IGSF10: variants seen among roughly 807,000 people sequenced by gnomAD.
IGSF10 encodes the protein immunoglobulin superfamily member 10.
In IGSF10, 126 loss-of-function variants were observed where a neutral mutation model predicts 128.2. The observed-to-expected ratio is 0.98, with a 90% CI of 0.85 to 1.14. IGSF10 has a LOEUF of 1.14. Among genes scored for constraint, IGSF10 ranks in the 50% most tolerant of loss-of-function variants. IGSF10 has a pLI of 0.00. For synonymous variants in IGSF10, 1,185 were observed against 1,146.2 expected (o/e 1.03, Z -0.68); for missense variants, 3,295 against 3,149.8 (o/e 1.05, Z -1.10).
the IGSF10 span, among the ~76,000 whole-genome samples, chr3:151,600,990 C>T: frequency 2.7e-5 from 4 of 147,660 alleles, no homozygotes; most frequent in Admixed American, 1.4e-4. Context: ...AGTATTATGT[C>T]AAGGAAAGAA....
intron 7 of IGSF10, among the ~76,000 whole-genome samples, chr3:151,439,722 G>C (rs1012274320): frequency 2.6e-4 from 39 of 152,250 alleles, no homozygotes; most frequent in African/African-American, 9.4e-4. Flanking sequence ...TTTTGCACTA[G>C]ATTGAGCTGT....
At chr3:151,547,441 C>T in the IGSF10 span, among the ~76,000 whole-genome samples, 4 of 151,182 alleles carry the variant, frequency 2.6e-5, no homozygotes, top group African/African-American at 9.8e-5. Context: ...CACACACACA[C>T]ACACACACAC....
the IGSF10 span, among the ~76,000 whole-genome samples, chr3:151,613,820 C>G: frequency 6.6e-6 from 1 of 152,070 alleles, no homozygotes; most frequent in Admixed American, 6.5e-5. Context: ...CCAAAATTGA[C>G]AAATGGGATC....
the IGSF10 span, among the ~76,000 whole-genome samples, chr3:151,602,592 T>C: frequency 1.3e-5 from 2 of 152,158 alleles, no homozygotes; most frequent in African/African-American, 4.8e-5. Context: ...TTTGATCTCC[T>C]TTCTCTCCTT....
the IGSF10 span, among the ~76,000 whole-genome samples, chr3:151,478,348 A>G: frequency 6.6e-6 from 1 of 152,200 alleles, no homozygotes; most frequent in African/African-American, 2.4e-5. Flanking sequence ...TTCTAATACA[A>G]AAGGGAACAG....
the IGSF10 span, among the ~76,000 whole-genome samples, chr3:151,587,881 C>T: frequency 2.0e-5 from 3 of 152,192 alleles, no homozygotes; most frequent in Non-Finnish European, 4.4e-5. Context: ...ACATGACTTG[C>T]TACTCCTTGC....
chr3:151,554,702 C>T, the IGSF10 span, among the ~76,000 whole-genome samples: 4 of 152,118 alleles, frequency 2.6e-5, no homozygotes, highest in African/African-American at 9.7e-5. Context: ...GTACCAAAAA[C>T]TATCATCACT....
At chr3:151,614,231 A>T in the IGSF10 span, among the ~76,000 whole-genome samples, 2 of 152,216 alleles carry the variant, frequency 1.3e-5, no homozygotes, top group African/African-American at 4.8e-5. Context: ...TGGGACTGTA[A>T]CCTAGTTCAA....
chr3:151,579,853 A>C, the IGSF10 span, among the ~76,000 whole-genome samples: 7 of 119,348 alleles, frequency 5.9e-5, no homozygotes, highest in African/African-American at 1.9e-4. Context: ...GAAGGAAGGG[A>C]GGAGGGAGGA....
At chr3:151,551,511 A>G in the IGSF10 span, among the ~76,000 whole-genome samples, 29 of 152,062 alleles carry the variant, frequency 1.9e-4, no homozygotes, top group Non-Finnish European at 3.5e-4. Context: ...GAAAAAATCC[A>G]TCTATAAGTG....
Position 151,437,431 on chromosome 3 carries a change from G to A in IGSF10, c.7130C>T (p.Thr2377Ile), listed in dbSNP as rs766202311. Residue 2377 changes from threonine (T) to isoleucine (I), a missense_variant, in exon 8 of 8, where the codon ACA becomes ATA. Transcript: ENST00000282466. ...PEIIWILPNGTRFSNGPQSYQ... is the reference protein window; with the variant it reads ...PEIIWILPNGIRFSNGPQSYQ... ...ACTTTGTGGTCCATTGGAAAATCGT[G>A]TGCCATTTGGTAAAATCCAGATTAT... 1.2e-6 allele frequency: 2 copies of A among 1,614,086 alleles called. No homozygotes were observed. Among genetic ancestry groups the A allele is most frequent in the African/African-American group, 1.3e-5 (1 of 74,928 alleles).
At chr3:151,602,762 G>A in the IGSF10 span, among the ~76,000 whole-genome samples, 1 of 152,072 alleles carries the variant, frequency 6.6e-6, no homozygotes, top group Non-Finnish European at 1.5e-5. Flanking sequence ...TCTTTTAAGT[G>A]GCCAGGAACC....
At chr3:151,548,215 C>A in the IGSF10 span, among the ~76,000 whole-genome samples, 3 of 152,296 alleles carry the variant, frequency 2.0e-5, no homozygotes, top group Admixed American at 1.3e-4. Flanking sequence ...AGAAGTCTGA[C>A]TACCCTAAAC....
the IGSF10 span, among the ~76,000 whole-genome samples, chr3:151,608,029 A>T: frequency 6.6e-6 from 1 of 151,952 alleles, no homozygotes; most frequent in African/African-American, 2.4e-5. Flanking sequence ...GAGAACTATA[A>T]ATGTCCTGTG....
the IGSF10 span, among the ~76,000 whole-genome samples, chr3:151,506,340 T>C: frequency 1.3e-5 from 2 of 152,154 alleles, no homozygotes; most frequent in South Asian, 2.1e-4. Context: ...ACTCCACCAA[T>C]TACCCTGAAC....
the IGSF10 span, among the ~76,000 whole-genome samples, chr3:151,617,317 TTCCCCTCCTCCTCCTCCC>T: frequency 2.0e-4 from 24 of 118,512 alleles, no homozygotes; most frequent in African/African-American, 7.7e-4. Context: ...CTTCTTCTTC[TTCCCCTCCTCCTCCTCCC>T]CCTCCTCCTC....
At chr3:151,518,025 T>C in the IGSF10 span, among the ~76,000 whole-genome samples, 2 of 152,066 alleles carry the variant, frequency 1.3e-5, no homozygotes, top group Admixed American at 1.3e-4. Context: ...TTTCAATGAC[T>C]AATCACTCTC....
At chr3:151,614,061 C>T in the IGSF10 span, among the ~76,000 whole-genome samples, 2 of 152,172 alleles carry the variant, frequency 1.3e-5, no homozygotes, top group South Asian at 4.1e-4. Context: ...GCAAAAAACA[C>T]ATGAAAAAAT....
the IGSF10 span, among the ~76,000 whole-genome samples, chr3:151,481,325 G>T: frequency 1.3e-5 from 2 of 152,162 alleles, no homozygotes; most frequent in Non-Finnish European, 2.9e-5. Flanking sequence ...TATCATCACT[G>T]TGTTGTTCCC....
Sources: allele counts gnomAD v4.1 joint callset (sites outside exome capture counted in the v4.1 genomes callset), GRCh38; gene constraint gnomAD v4.1.1; transcripts MANE v1.5; gene names NCBI Gene and HGNC (gene_info 2026-07-23, HGNC 2026-07-21).